Variants in MYO6 observed in about 807,000 individuals in gnomAD.
The protein encoded by MYO6 is unconventional myosin-VI.
Under a neutral mutation model 178.7 loss-of-function variants are expected in MYO6, and 74 were observed. The observed-to-expected ratio is 0.41, with a 90% CI of 0.34 to 0.50. MYO6 has a LOEUF of 0.50. Ranked by LOEUF, MYO6 falls within the 20% of genes least tolerant of loss-of-function variation. The pLI is 0.09. For synonymous variants in MYO6, 477 were observed against 504.6 expected (o/e 0.95, Z 0.73); for missense variants, 1,330 against 1,547.4 (o/e 0.86, Z 2.36).
At chr6:75,797,782 C>A (rs1164947122) in intron 1 of MYO6, among the ~76,000 whole-genome samples, 1 of 152,156 alleles carries the variant, frequency 6.6e-6, no homozygotes, top group Non-Finnish European at 1.5e-5. Flanking sequence ...GATCTGCCTG[C>A]CTCAGCTTTC....
intron 1 of MYO6, among the ~76,000 whole-genome samples, chr6:75,756,893 GTA>G (rs371732070): frequency 0.069 from 5,528 of 79,726 alleles, 408 homozygotes; most frequent in East Asian, 0.24. Context: ...TGTTGTGTGT[GTA>G]TATATATATA....
In MYO6 at chr6:75,861,040, A is replaced by T; in HGVS notation, c.1491A>T (p.Gln497His). The T allele has an allele frequency of 6.2e-7, 1 of 1,606,772 alleles. No individual in the cohort carries two copies. Among genetic ancestry groups the T allele is most frequent in the Non-Finnish European group, 8.5e-7 (1 of 1,173,628 alleles). ...ATTTTTAGGAACAAGAACTCTATCA[A>T]AAAGAAGGTTTAGGTGTTAATGAAG... ...RILKEEQELYQKEGLGVNEVH... is the reference protein window; with the variant it reads ...RILKEEQELYHKEGLGVNEVH... Residue 497 changes from glutamine (Q) to histidine (H), a missense_variant, in exon 15 of 35, where the codon CAA becomes CAT. Coordinates refer to ENST00000369977, the MANE Select transcript of MYO6 (RefSeq NM_004999.4).
At chr6:75,893,412 T>C (rs1779057292) in intron 28 of MYO6, among the ~76,000 whole-genome samples, 1 of 152,204 alleles carries the variant, frequency 6.6e-6, no homozygotes, top group Admixed American at 6.5e-5. Context: ...TGTAGGTATA[T>C]ATATGTTGTA....
chr6:75,806,075 G>A (rs1770049902), intron 1 of MYO6, among the ~76,000 whole-genome samples: 1 of 151,918 alleles, frequency 6.6e-6, no homozygotes, highest in Admixed American at 6.6e-5. Flanking sequence ...CATTAATGAA[G>A]GATAATTTGT....
chr6:75,811,776 A>G (rs1770718539), intron 1 of MYO6, among the ~76,000 whole-genome samples: 2 of 152,166 alleles, frequency 1.3e-5, no homozygotes, highest in African/African-American at 4.8e-5. Flanking sequence ...GCTTCAAACA[A>G]GGGATATAGT....
intron 26 of MYO6, 108 bp from the exon 27 acceptor site, chr6:75,891,120 C>A: frequency 1.5e-6 from 1 of 687,050 alleles, no homozygotes; most frequent in Non-Finnish European, 2.5e-6. Flanking sequence ...GGTTAATTTG[C>A]ATTCCCAATC....
chr6:75,906,802 C>CT, intron 30 of MYO6, among the ~76,000 whole-genome samples: 1 of 152,136 alleles, frequency 6.6e-6, no homozygotes, highest in Non-Finnish European at 1.5e-5. Flanking sequence ...GATTTTATTT[C>CT]TTTCCTCTTT....
rs1562323724 is a variant in MYO6 at position 75,915,312 on chromosome 6, C to T, written c.*300C>T. 2.0e-5 allele frequency: 8 copies of T among 404,020 alleles called. No homozygotes were observed. The highest frequency in any genetic ancestry group is 3.7e-5 in the Non-Finnish European group (8 of 217,344). 25.0% of individuals were successfully genotyped at this position (404,020 alleles called of 1,614,324 possible). On this transcript the variant is annotated 3_prime_UTR_variant, in exon 35 of 35. Transcript: ENST00000369977. ...TGCCAGAAGACTACCTTACATCCAT[C>T]GTAATTGTTCTCTAGGAAAAGAGAA...
intron 10 of MYO6, 28 bp from the exon 11 acceptor site, chr6:75,848,323 A>G: frequency 6.3e-7 from 1 of 1,596,338 alleles, no homozygotes; most frequent in Non-Finnish European, 8.6e-7. Flanking sequence ...TGTAACGATC[A>G]GTTAATTGGT....
At position 75,755,011 on chromosome 6, in the gene MYO6, A is replaced by C. The variant is rs1409149870; in HGVS notation, c.-48+5588A>C. 3.3e-5 allele frequency among the ~76,000 whole-genome samples: 5 copies of C among 151,924 alleles called. No homozygotes were observed. In the East Asian group the frequency reaches 9.6e-4, roughly 29 times the overall value. On this transcript the variant is annotated intron_variant, in intron 1 of 34. Coordinates refer to ENST00000369977, the MANE Select transcript of MYO6 (RefSeq NM_004999.4). The stretch of plus-strand genomic sequence containing the variant: ...TTGGGAGGCTGAGGTTGGGAGGATC[A>C]CTTTAGCCCAGGAGTTTGAGAACAG...
At chr6:75,872,617 A>G (rs1023165849) in intron 19 of MYO6, among the ~76,000 whole-genome samples, 7 of 152,220 alleles carry the variant, frequency 4.6e-5, no homozygotes, top group African/African-American at 1.7e-4. Flanking sequence ...TGTGTTGTTT[A>G]AATATGTTAA....
rs561297491 is a variant in MYO6 at position 75,909,363 on chromosome 6, C to G, written c.3412+736C>G. 7.9e-5 allele frequency among the ~76,000 whole-genome samples: 12 copies of G among 152,326 alleles called. No individual in the cohort carries two copies. The East Asian group carries it at 2.3e-3, about 29-fold the overall frequency. On this transcript the variant is annotated intron_variant, in intron 32 of 34. Coordinates refer to ENST00000369977, the MANE Select transcript of MYO6 (RefSeq NM_004999.4). Reference sequence around the variant, plus strand: ...GATTCATGCATTGTCCATTTACACTCTAATTCCTTTGTTTCAAAAATAATT... The same window carrying G: ...GATTCATGCATTGTCCATTTACACTGTAATTCCTTTGTTTCAAAAATAATT...
At chr6:75,833,980 G>T (rs1180461123) in intron 6 of MYO6, among the ~76,000 whole-genome samples, 8 of 152,196 alleles carry the variant, frequency 5.3e-5, no homozygotes, top group Non-Finnish European at 8.8e-5. Context: ...TTCACACGAG[G>T]ATCTTGGAGG....
intron 30 of MYO6, among the ~76,000 whole-genome samples, chr6:75,900,220 G>C (rs1197329719): frequency 6.6e-6 from 1 of 151,986 alleles, no homozygotes; most frequent in African/African-American, 2.4e-5. Context: ...CTTTATAGCA[G>C]CATGATTTAC....
At chr6:75,805,464 A>T (rs962417582) in intron 1 of MYO6, among the ~76,000 whole-genome samples, 1 of 152,202 alleles carries the variant, frequency 6.6e-6, no homozygotes, top group South Asian at 2.1e-4. Context: ...AAAAGAGAAT[A>T]TAGTGGTGTA....
Position 75,879,948 on chromosome 6 carries a change from A to G in MYO6, c.2206A>G (p.Lys736Glu), listed in dbSNP as rs1777884460. 1.9e-6 allele frequency: 3 copies of G among 1,614,040 alleles called. No individual in the cohort carries two copies. The highest frequency in any genetic ancestry group is 2.7e-5 in the African/African-American group (2 of 74,948). The change falls in exon 21 of 35, where the codon AAG becomes GAG. Residue 736 changes from lysine to glutamate, a missense_variant and splice_region_variant. Lys to Glu is a moderately conservative substitution (Grantham distance 56). This residue lies in a region of MYO6 where 613 missense variants were observed against 816.8 expected (regional missense o/e 0.75). Transcript: ENST00000369977. Reference protein sequence around the residue: ...LARLDPRLFCKALFKALGLNE... With the variant: ...LARLDPRLFCEALFKALGLNE... ...AAGATTGGATCCAAGACTATTTTGT[A>G]AGGTATAAATGCCACCCAAATTGAA... is the stretch of plus-strand genomic sequence containing the variant.
At chr6:75,756,988 GTATACACACATATATAGTGTGTATA>G (rs1777446284) in intron 1 of MYO6, among the ~76,000 whole-genome samples, 1 of 131,340 alleles carries the variant, frequency 7.6e-6, no homozygotes. Flanking sequence ...GTGTATATAT[GTATACACACATATATAGTGTGTATA>G]TATGTATACA....
At chr6:75,790,472 C>T (rs778228998) in intron 1 of MYO6, among the ~76,000 whole-genome samples, 1 of 151,622 alleles carries the variant, frequency 6.6e-6, no homozygotes, top group African/African-American at 2.4e-5. Context: ...ACCTCCGCCT[C>T]GTGGGTTCAA....
chr6:75,774,410 T>C (rs896032885), intron 1 of MYO6, among the ~76,000 whole-genome samples: 90 of 152,208 alleles, frequency 5.9e-4, no homozygotes, highest in African/African-American at 2.0e-3. Context: ...TCTTTACTTT[T>C]GACATGTTCT....
Sources: allele counts gnomAD v4.1 joint callset (sites outside exome capture counted in the v4.1 genomes callset), GRCh38; gene constraint gnomAD v4.1.1; regional missense constraint gnomAD v4.1.1; transcripts MANE v1.5; gene names NCBI Gene and HGNC (gene_info 2026-07-23, HGNC 2026-07-21).